The following CLDN16 variants were observed in gnomAD, a reference collection of about 807,000 sequenced individuals.
CLDN16 encodes claudin 16, also known as claudin-16.
In CLDN16, 13 loss-of-function variants were observed where a neutral mutation model predicts 24.6. The observed-to-expected ratio is 0.53, with a 90% confidence interval of 0.34 to 0.84. CLDN16 has a LOEUF of 0.84. CLDN16 is among the 40% of genes least tolerant of loss of function. CLDN16 has a pLI of 0.01. For synonymous variants in CLDN16, 116 were observed against 106.7 expected, an observed-to-expected ratio of 1.09 and a Z score of -0.54; for missense variants, 298 against 292.7, an observed-to-expected ratio of 1.02 and a Z score of -0.13.
chr3:190,323,003 T>TACACACACACAC (rs147722582), intron 1 of CLDN16, among the ~76,000 whole-genome samples: 32,646 of 144,308 alleles, frequency 0.23, 3,771 homozygotes, highest in East Asian at 0.45. Flanking sequence ...CAACATGATT[T>TACACACACACAC]ACACACACAC....
At chr3:190,344,777 G>C (rs1210450331) in intron 1 of CLDN16, among the ~76,000 whole-genome samples, 1 of 152,058 alleles carries the variant, frequency 6.6e-6, no homozygotes, top group African/African-American at 2.4e-5. Context: ...TCTGGAGAAA[G>C]AGTTGCAAAA....
Position 190,410,002 on chromosome 3 carries a change from C to T in CLDN16, c.674C>T (p.Thr225Met), listed in dbSNP as rs374751726. 33 of 1,613,884 alleles carry T rather than the reference C, an allele frequency of 2.0e-5. No homozygotes were observed. Among genetic ancestry groups the T allele is most frequent in the African/African-American group, 2.7e-5 (2 of 74,864 alleles). ...AKSYSAPRTE[T>M]AKMYAVDTRV ...TCATACTCAGCCCCTCGCACAGAGACGGCCAAAATGTATGCTGTAGACACA... is the reference window on the plus strand; with the variant it reads ...TCATACTCAGCCCCTCGCACAGAGATGGCCAAAATGTATGCTGTAGACACA... The change falls in exon 5 of 5, where the codon ACG becomes ATG. Residue 225 changes from threonine (T) to methionine (M), a missense_variant. Physicochemically the swap from Thr to Met is moderately conservative, Grantham distance 81 (BLOSUM62 -1). Transcript: ENST00000264734.
At chr3:190,298,794 TA>T in the CLDN16 span, among the ~76,000 whole-genome samples, 1 of 151,814 alleles carries the variant, frequency 6.6e-6, no homozygotes, top group Non-Finnish European at 1.5e-5. Flanking sequence ...TGCATCTATT[TA>T]TTTTTTTCAT....
At position 190,397,519 on chromosome 3, in the gene CLDN16, T is replaced by C. The variant is rs568261597; in HGVS notation, c.115-4818T>C. Among the ~76,000 whole-genome samples, 73 of 152,342 alleles carry C rather than the reference T, an allele frequency of 4.8e-4. No homozygotes were observed. In the South Asian group the frequency reaches 0.014, roughly 29 times the overall value. On this transcript the variant is annotated intron_variant, in intron 1 of 4. Coordinates refer to ENST00000264734, the MANE Select transcript of CLDN16 (RefSeq NM_006580.4). ...TTAGATTTGCTTGCTTTTTAGTTTC[T>C]AATAAGCCATTTTACAACAGAGGAA...
chr3:190,322,419 G>C (rs1716954708), upstream of CLDN16: 1 of 593,664 alleles, frequency 1.7e-6, no homozygotes, highest in African/African-American at 1.9e-5. Flanking sequence ...TAGAAGCTGC[G>C]GTTGCTCCCA....
intron 3 of CLDN16, among the ~76,000 whole-genome samples, chr3:190,405,358 G>A (rs1357871053): frequency 1.3e-5 from 2 of 148,428 alleles, no homozygotes; most frequent in South Asian, 2.1e-4. Context: ...CCAGGAGGCG[G>A]AGGTTGCAGT....
chr3:190,293,864 G>A, the CLDN16 span, among the ~76,000 whole-genome samples: 3 of 152,128 alleles, frequency 2.0e-5, no homozygotes, highest in African/African-American at 7.2e-5. Flanking sequence ...AAAAGAGGGA[G>A]GACAGAGGGA....
chr3:190,292,504 G>A, the CLDN16 span, among the ~76,000 whole-genome samples: 1 of 152,176 alleles, frequency 6.6e-6, no homozygotes, highest in African/African-American at 2.4e-5. Context: ...ATGCCCTGGA[G>A]ATATTTTCCC....
chr3:190,384,344 C>T (rs1718437312), upstream of CLDN16, among the ~76,000 whole-genome samples: 1 of 152,132 alleles, frequency 6.6e-6, no homozygotes, highest in South Asian at 2.1e-4. Context: ...ATATGCTGTT[C>T]TTGACACAAG....
intron 1 of CLDN16, among the ~76,000 whole-genome samples, chr3:190,323,576 A>C (rs560943795): frequency 1.6e-4 from 24 of 152,272 alleles, no homozygotes; most frequent in African/African-American, 5.8e-4. Flanking sequence ...GTGGGAGGGG[A>C]AGCTTCTATG....
chr3:190,321,783 G>A (rs1033959101), upstream of CLDN16, among the ~76,000 whole-genome samples: 1 of 152,200 alleles, frequency 6.6e-6, no homozygotes, highest in African/African-American at 2.4e-5. Context: ...GGGAGTTAGA[G>A]GCAAAACTAG....
intron 1 of CLDN16, among the ~76,000 whole-genome samples, chr3:190,325,327 T>A (rs1388378944): frequency 7.0e-6 from 1 of 142,338 alleles, no homozygotes; most frequent in Non-Finnish European, 1.6e-5. Flanking sequence ...CGAGGACAAT[T>A]TTTTTTTTCT....
chr3:190,293,601 C>G, the CLDN16 span, among the ~76,000 whole-genome samples: 2 of 152,114 alleles, frequency 1.3e-5, no homozygotes, highest in Non-Finnish European at 2.9e-5. Context: ...ATCAATAGTT[C>G]AAATGAGGGA....
At chr3:190,322,082 G>A (rs1038078193), upstream of CLDN16, 5 of 1,614,112 alleles carry the variant, frequency 3.1e-6, no homozygotes, top group Admixed American at 8.3e-5. Context: ...GGCCTGGGCG[G>A]TCACGATGTT....
chr3:190,378,371 C>T (rs1245278090), intron 3 of CLDN16, among the ~76,000 whole-genome samples: 2 of 151,954 alleles, frequency 1.3e-5, no homozygotes, highest in South Asian at 2.1e-4. Context: ...AAGGTTTTCA[C>T]ACATGTAGAG....
intron 1 of CLDN16, among the ~76,000 whole-genome samples, chr3:190,401,672 C>T (rs1718965711): frequency 6.6e-6 from 1 of 152,160 alleles, no homozygotes. Context: ...AAATGGATTA[C>T]AGTCGTCAAG....
rs1560093930 is a variant in CLDN16, at chr3:190,388,364, TTGCCTTTTTCTC to T, written c.39_50del (p.Phe14_Ala17del). On this transcript the variant is annotated inframe_deletion, in exon 1 of 5. Transcript: ENST00000264734. ...CTTCTTCAATACATCGCTTGCTTCT[TTGCCTTTTTCTC>T]TGCTGGGTTTTTGATTGTGGCCACC... 6.8e-6 allele frequency: 11 copies of T among 1,614,108 alleles called. No individual in the cohort carries two copies. Among genetic ancestry groups the T allele is most frequent in the Non-Finnish European group, 7.6e-6 (9 of 1,180,008 alleles).
chr3:190,346,966 C>A (rs1717564739), intron 1 of CLDN16, among the ~76,000 whole-genome samples: 1 of 152,106 alleles, frequency 6.6e-6, no homozygotes, highest in Middle Eastern at 3.2e-3. Context: ...AGTTCACACG[C>A]CGAGGTTTGG....
intron 1 of CLDN16, among the ~76,000 whole-genome samples, chr3:190,349,315 CCTT>C (rs577724605): frequency 5.9e-5 from 9 of 151,848 alleles, no homozygotes; most frequent in Non-Finnish European, 1.2e-4. Context: ...CCCCTTCACT[CCTT>C]CTCTCCTGCC....
Sources: gnomAD v4.1 joint callset for allele counts (sites outside exome capture counted in the v4.1 genomes callset) on GRCh38, gnomAD v4.1.1 for gene constraint, MANE v1.5 for transcripts, NCBI Gene and HGNC (gene_info 2026-07-23, HGNC 2026-07-21) for gene names.